Variants in JPH3 observed in about 807,000 individuals in gnomAD.
JPH3 encodes junctophilin 3, also known as junctophilin-3.
Under a neutral mutation model 59.6 loss-of-function variants are expected in JPH3, and 11 were observed. The ratio of observed to expected loss-of-function variants is 0.18; its 90% CI spans 0.12 to 0.31. The LOEUF is 0.31. Among genes scored for constraint, JPH3 ranks in the 10% least tolerant of loss-of-function variants. JPH3 has a pLI of 1.00. For missense variants in JPH3, 1,202 were observed against 1,105.7 expected (o/e 1.09, Z -1.24); for synonymous variants, 673 against 483.6 (o/e 1.39, Z -5.14).
chr16:87,681,183 C>A (rs939697047), intron 2 of JPH3, among the ~76,000 whole-genome samples: 7 of 126,524 alleles, frequency 5.5e-5, no homozygotes, highest in Non-Finnish European at 9.9e-5. Context: ...ATGACAGTTC[C>A]GGGAGGTCAG....
intron 1 of JPH3, chr16:87,604,204 T>G: frequency 1.4e-6 from 2 of 1,419,310 alleles, no homozygotes; most frequent in East Asian, 3.8e-5. Context: ...GTTTTCACCA[T>G]TAGTTGAGGG....
At chr16:87,671,011 G>T (rs1279878494) in intron 2 of JPH3, among the ~76,000 whole-genome samples, 3 of 152,184 alleles carry the variant, frequency 2.0e-5, no homozygotes, top group African/African-American at 7.2e-5. Flanking sequence ...CCTGGGGCTG[G>T]AATCCTGGGG....
intron 1 of JPH3, among the ~76,000 whole-genome samples, chr16:87,615,522 C>T (rs111959373): frequency 4.6e-5 from 7 of 152,262 alleles, no homozygotes; most frequent in African/African-American, 1.4e-4. Flanking sequence ...TTTGTTTCGT[C>T]TCCTTGTGGG....
At chr16:87,631,954 C>T (rs1002909223) in intron 1 of JPH3, among the ~76,000 whole-genome samples, 1 of 152,150 alleles carries the variant, frequency 6.6e-6, no homozygotes, top group African/African-American at 2.4e-5. Context: ...TCGATGTCTT[C>T]TCCCACCTGC....
intron 2 of JPH3, among the ~76,000 whole-genome samples, chr16:87,677,185 TACACACAC>T (rs764055221): frequency 1.6e-3 from 155 of 95,192 alleles, no homozygotes; most frequent in Middle Eastern, 6.1e-3. Context: ...TATATATATA[TACACACAC>T]ACACACACAC....
At chr16:87,661,851 C>T (rs1050758317) in intron 2 of JPH3, among the ~76,000 whole-genome samples, 2 of 152,246 alleles carry the variant, frequency 1.3e-5, no homozygotes, top group Non-Finnish European at 2.9e-5. Flanking sequence ...ATTACGAAGC[C>T]AGGGCCTTGG....
In JPH3 at chr16:87,644,389, A is replaced by T. The variant is rs776638359; in HGVS notation, c.514A>T (p.Thr172Ser). The change falls in exon 2 of 5, where the codon ACC (threonine) becomes TCC (serine). Residue 172 changes from threonine (T) to serine (S), a missense_variant. Thr to Ser is a moderately conservative substitution (Grantham distance 58, BLOSUM62 1). Coordinates refer to ENST00000284262, the MANE Select transcript of JPH3 (RefSeq NM_020655.4). ...CATCAACTCCCTGCGCAGCGAGCAC[A>T]CCAACGGCACGGCGCTGCATCCCGA... ...TSINSLRSEH[T>S]NGTALHPDAS... The T allele has an allele frequency of 1.9e-6, 3 of 1,612,624 alleles. No individual in the cohort carries two copies. The highest frequency in any genetic ancestry group is 4.5e-5 in the East Asian group (2 of 44,870).
Position 87,644,667 on chromosome 16 carries a change from C to T in JPH3, c.792C>T (p.Ile264=), listed in dbSNP as rs1423331830. Residue 264 remains isoleucine (I), a synonymous_variant, in exon 2 of 5, where the codon ATC becomes ATT. Transcript: ENST00000284262. ...CGGCCAGCGACATCCACTCCACCATCAGCCTGGGCGAGGCTGAGGCCGAGC... is the reference window on the plus strand; with the variant it reads ...CGGCCAGCGACATCCACTCCACCATTAGCCTGGGCGAGGCTGAGGCCGAGC... The part of the protein sequence containing the change: ...SSTASDIHST[I]SLGEAEAELA... 6.2e-7 allele frequency: 1 copy of T among 1,611,920 alleles called. No individual in the cohort carries two copies. Among genetic ancestry groups the T allele is most frequent in the African/African-American group, 1.3e-5 (1 of 75,044 alleles).
At chr16:87,668,663 T>C (rs1054383432) in intron 2 of JPH3, among the ~76,000 whole-genome samples, 3 of 152,208 alleles carry the variant, frequency 2.0e-5, no homozygotes, top group Non-Finnish European at 4.4e-5. Context: ...CCTGCTCTTC[T>C]TGGCGGAGTC....
chr16:87,650,339 T>C (rs2032290543), intron 2 of JPH3, among the ~76,000 whole-genome samples: 1 of 152,214 alleles, frequency 6.6e-6, no homozygotes, highest in Non-Finnish European at 1.5e-5. Context: ...AAATGCTCTG[T>C]GTTCTGACCA....
chr16:87,648,243 A>G lies in JPH3; in HGVS notation c.1160+3208A>G, dbSNP rs560920247. 3.9e-4 allele frequency among the ~76,000 whole-genome samples: 45 copies of G among 116,544 alleles called. No homozygotes were observed. The South Asian group carries it at 7.9e-3, about 20-fold the overall frequency. The allele number at this position is 116,544 out of a possible 152,430, so 76.5% of individuals were successfully genotyped here. A position where few individuals can be genotyped will look rare whatever the true frequency, so the allele number is the denominator to read the frequency against. ...TCTCAATGGACTTAGAATTTGGGGA[A>G]AAAAAAAAGGAAAAAAAGGAGGGAA... On this transcript the variant is annotated intron_variant, in intron 2 of 4. Coordinates refer to ENST00000284262, the MANE Select transcript of JPH3 (RefSeq NM_020655.4).
chr16:87,612,634 A>G (rs1354960350), intron 1 of JPH3, among the ~76,000 whole-genome samples: 1 of 152,152 alleles, frequency 6.6e-6, no homozygotes, highest in Non-Finnish European at 1.5e-5. Flanking sequence ...GTATCTGGTC[A>G]CAGCAAGCAG....
chr16:87,663,830 C>T (rs755059408), intron 2 of JPH3, among the ~76,000 whole-genome samples: 5 of 152,142 alleles, frequency 3.3e-5, no homozygotes, highest in Non-Finnish European at 7.4e-5. Context: ...AGCTGTGCTG[C>T]CGTTTTTATT....
intron 1 of JPH3, among the ~76,000 whole-genome samples, chr16:87,607,876 C>T (rs1249004403): frequency 1.3e-5 from 2 of 152,238 alleles, no homozygotes; most frequent in Non-Finnish European, 2.9e-5. Context: ...AGCGTTTTCT[C>T]CGAGATTCTC....
chr16:87,672,622 T>C (rs2033046564), intron 2 of JPH3, among the ~76,000 whole-genome samples: 1 of 152,190 alleles, frequency 6.6e-6, no homozygotes, highest in Non-Finnish European at 1.5e-5. Context: ...ACGGGGCCAG[T>C]GAAGGCTCTG....
In JPH3 at chr16:87,690,215, C is replaced by A. The variant is rs2033530530; in HGVS notation, c.1855C>A (p.Leu619Met). Residue 619 changes from leucine (L) to methionine (M), a missense_variant, in exon 4 of 5, where the codon CTG (leucine) becomes ATG (methionine). Transcript: ENST00000284262. Reference sequence around the variant, plus strand: ...CTACCGGATGGAGATGAAACCCTTGCTGAGGATGGAGACGCATCCCCAGAA... The same window carrying A: ...CTACCGGATGGAGATGAAACCCTTGATGAGGATGGAGACGCATCCCCAGAA... The part of the protein sequence containing the change: ...SNYRMEMKPL[L>M]RMETHPQKRR... The A allele has an allele frequency of 6.2e-7, 1 of 1,603,972 alleles. No individual in the cohort carries two copies. The highest frequency in any genetic ancestry group is 8.5e-7 in the Non-Finnish European group (1 of 1,175,888).
At position 87,674,827 on chromosome 16, in the gene JPH3, C is replaced by G. The variant is rs1269618821; in HGVS notation, c.1161-9315C>G. Among the ~76,000 whole-genome samples, 4 of 152,262 alleles carry G rather than the reference C, an allele frequency of 2.6e-5. No homozygotes were observed. In the East Asian group the frequency reaches 7.7e-4, roughly 29 times the overall value. ...CCAGGCTGGAATGCAGTGGCGCGAT[C>G]TTGTCTCGCTGCAACCTCTGCCTCT... On this transcript the variant is annotated intron_variant, in intron 2 of 4. Transcript: ENST00000284262.
At chr16:87,608,069 G>C (rs2030591859) in intron 1 of JPH3, among the ~76,000 whole-genome samples, 1 of 152,376 alleles carries the variant, frequency 6.6e-6, no homozygotes, top group African/African-American at 2.4e-5. Context: ...CCTGAGATGA[G>C]CTGGCCGGGG....
At chr16:87,612,297 T>C (rs2030757236) in intron 1 of JPH3, among the ~76,000 whole-genome samples, 1 of 152,060 alleles carries the variant, frequency 6.6e-6, no homozygotes, top group Non-Finnish European at 1.5e-5. Flanking sequence ...CTAAGTTTTG[T>C]TATTTGTTGT....
Sources: allele counts gnomAD v4.1 joint callset (sites outside exome capture counted in the v4.1 genomes callset), GRCh38; gene constraint gnomAD v4.1.1; transcripts MANE v1.5; gene names NCBI Gene and HGNC (gene_info 2026-07-23, HGNC 2026-07-21).